PRDM16: variants seen among roughly 807,000 people sequenced by gnomAD.
The protein encoded by PRDM16 is PR/SET domain 16.
PRDM16 carries 23 observed loss-of-function variants against 110.6 expected under a neutral mutation model. The ratio of observed to expected loss-of-function variants is 0.21; its 90% CI spans 0.15 to 0.29. The LOEUF (loss-of-function observed/expected upper bound fraction) is 0.29. Ranked by LOEUF, PRDM16 falls within the 10% of genes least tolerant of loss-of-function variation. PRDM16 has a pLI of 1.00. For missense variants in PRDM16, 1,615 were observed against 1,794.3 expected (o/e 0.90, Z 1.81); for synonymous variants, 799 against 781.8 (o/e 1.02, Z -0.37).
At chr1:3,203,456 G>T (rs145939419) in intron 2 of PRDM16, among the ~76,000 whole-genome samples, 2,010 of 152,332 alleles carry the variant, frequency 0.013, 22 homozygotes, top group Middle Eastern at 0.071. Context: ...GGGCGCTGCC[G>T]CAAGGTGCCA....
chr1:3,107,869 T>C (rs969569857), intron 1 of PRDM16, among the ~76,000 whole-genome samples: 5 of 152,260 alleles, frequency 3.3e-5, no homozygotes, highest in African/African-American at 1.2e-4. Context: ...TCAATGACCA[T>C]GCCATGTGTC....
intron 3 of PRDM16, chr1:3,308,431 C>T: frequency 6.6e-6 from 1 of 152,388 alleles, no homozygotes. Flanking sequence ...GCAGCACCCA[C>T]AGTCCAGGCC....
intron 2 of PRDM16, among the ~76,000 whole-genome samples, chr1:3,218,829 C>T (rs538007400): frequency 6.6e-5 from 10 of 152,326 alleles, no homozygotes; most frequent in Admixed American, 6.5e-5. Flanking sequence ...GTGGACAACC[C>T]GAACCACGCT....
rs1363454950 is a variant in PRDM16 at position 3,148,608 on chromosome 1, C to G, written c.38-37517C>G. On this transcript the variant is annotated intron_variant, in intron 1 of 16. Transcript: ENST00000270722. The surrounding 1 kb of genome is among the most constrained non-coding windows in gnomAD (Gnocchi z 5.0). ...ACTCCTTGCTGGGACCTCCTTGACG[C>G]TCACGGGGCTCAGATCCCATCTCAG... Among the ~76,000 whole-genome samples, 1 of 152,208 alleles carries G rather than the reference C, an allele frequency of 6.6e-6. No individual in the cohort carries two copies. The highest frequency in any genetic ancestry group is 1.5e-5 in the Non-Finnish European group (1 of 68,040).
Position 3,431,966 on chromosome 1 carries a change from G to A in PRDM16, c.3522G>A (p.Arg1174=), listed in dbSNP as rs765442757. ...SLAVGFDHTR[R]CAEDHEGGLL... ...TCCCTCTCCCCGGTCATTGGTGCAG[G>A]TGTGCTGAGGACCACGAAGGCGGTC... is the stretch of plus-strand genomic sequence containing the variant. Residue 1174 remains arginine, a splice_region_variant and synonymous_variant, in exon 16 of 17, where the codon AGG becomes AGA. Coordinates refer to ENST00000270722, the MANE Select transcript of PRDM16 (RefSeq NM_022114.4). The A allele has an allele frequency of 1.8e-5, 29 of 1,612,576 alleles. No homozygotes were observed. Among genetic ancestry groups the A allele is most frequent in the Admixed American group, 1.0e-4 (6 of 59,968 alleles).
intron 3 of PRDM16, among the ~76,000 whole-genome samples, chr1:3,379,029 A>G (rs1198532578): frequency 2.0e-5 from 3 of 151,658 alleles, no homozygotes; most frequent in East Asian, 3.9e-4. Flanking sequence ...GATAGCAGAC[A>G]CAGGCCTGGC....
intron 1 of PRDM16, among the ~76,000 whole-genome samples, chr1:3,159,924 A>T (rs1208815054): frequency 6.6e-6 from 1 of 152,264 alleles, no homozygotes; most frequent in African/African-American, 2.4e-5. Context: ...AAATACTTTT[A>T]TAGTATAAGC....
Position 3,339,969 on chromosome 1 carries a change from G to A in PRDM16, c.439-45183G>A, listed in dbSNP as rs1383175721. On this transcript the variant is annotated intron_variant, in intron 3 of 16. Transcript: ENST00000270722. The surrounding 1 kb of genome is among the most constrained non-coding windows in gnomAD (Gnocchi z 5.0). ...GGAACAGGTGTGCCATCCCCCGAGC[G>A]TGCCTCCTCCTCTCCCTGGGACCCG... Among the ~76,000 whole-genome samples the A allele has an allele frequency of 2.0e-5, 3 of 152,272 alleles. No individual in the cohort carries two copies. The highest frequency in any genetic ancestry group is 1.9e-4 in the East Asian group (1 of 5,160).
chr1:3,428,919 C>A (rs778428784), intron 14 of PRDM16, among the ~76,000 whole-genome samples: 1 of 152,248 alleles, frequency 6.6e-6, no homozygotes, highest in Middle Eastern at 3.2e-3. Context: ...GAGAAAATCA[C>A]GCAGGGGAGA....
intron 1 of PRDM16, among the ~76,000 whole-genome samples, chr1:3,101,033 G>A (rs907175857): frequency 2.0e-5 from 3 of 152,154 alleles, no homozygotes; most frequent in Admixed American, 6.5e-5. Flanking sequence ...TCCCTAATGG[G>A]GGATGCCCTC....
intron 6 of PRDM16, 134 bp from the exon 7 acceptor site, chr1:3,404,605 A>C: frequency 9.2e-7 from 1 of 1,084,932 alleles, no homozygotes; most frequent in Non-Finnish European, 1.3e-6. Context: ...GGGAGACACC[A>C]GCATGTGCTC....
At chr1:3,115,142 C>T (rs1048149366) in intron 1 of PRDM16, among the ~76,000 whole-genome samples, 5 of 152,234 alleles carry the variant, frequency 3.3e-5, no homozygotes, top group Admixed American at 2.0e-4. Flanking sequence ...TCACATTCCT[C>T]GGTGAGTGGT....
chr1:3,379,683 C>A (rs1361250672), intron 3 of PRDM16, among the ~76,000 whole-genome samples: 1 of 6,282 alleles, frequency 1.6e-4, no homozygotes, highest in Admixed American at 1.4e-3. Flanking sequence ...TCCCAGCACA[C>A]CCATCCCAAC....
chr1:3,299,787 T>C (rs1365237371), intron 3 of PRDM16, among the ~76,000 whole-genome samples: 25 of 72,544 alleles, frequency 3.4e-4, no homozygotes, highest in South Asian at 3.0e-3. Flanking sequence ...ATGCTGTGGC[T>C]GTGATGTTTC....
At chr1:3,275,075 G>A (rs1429274020) in intron 3 of PRDM16, among the ~76,000 whole-genome samples, 2 of 152,224 alleles carry the variant, frequency 1.3e-5, no homozygotes, top group Admixed American at 6.5e-5. Context: ...TCCCAGGTGC[G>A]CCTGGCAGAG....
chr1:3,241,407 G>T (rs550507898), intron 2 of PRDM16, among the ~76,000 whole-genome samples: 42 of 152,372 alleles, frequency 2.8e-4, no homozygotes, highest in Non-Finnish European at 4.6e-4. Context: ...CGTGCCCAGA[G>T]GATCCAGAGA....
chr1:3,387,714 G>A (rs1009878741), intron 4 of PRDM16, among the ~76,000 whole-genome samples: 3 of 152,232 alleles, frequency 2.0e-5, no homozygotes, highest in Admixed American at 2.0e-4. Flanking sequence ...GGGGAGTGAG[G>A]TGGCTGAGTT....
chr1:3,437,466 G>A lies in PRDM16; in HGVS notation c.*3655G>A, dbSNP rs1638941721. On this transcript the variant is annotated 3_prime_UTR_variant, in exon 17 of 17. Coordinates refer to ENST00000270722, the MANE Select transcript of PRDM16 (RefSeq NM_022114.4). ...TGAAACCTACTGAGCTATATTCACT[G>A]TGCTGTCCTAGGGGGAGGGAGAGCA... 1 of 230,292 alleles carries A rather than the reference G, an allele frequency of 4.3e-6. No homozygotes were observed. The highest frequency in any genetic ancestry group is 8.6e-6 in the Non-Finnish European group (1 of 116,152). The allele number at this position is 230,292 out of a possible 1,614,324, so 14.3% of individuals were successfully genotyped here.
intron 3 of PRDM16, among the ~76,000 whole-genome samples, chr1:3,248,525 G>T (rs1473943108): frequency 1.3e-5 from 2 of 152,138 alleles, no homozygotes; most frequent in African/African-American, 4.8e-5. Flanking sequence ...CAGAAGCTTC[G>T]GAAAAAACGC....
Sources: allele counts gnomAD v4.1 joint callset (sites outside exome capture counted in the v4.1 genomes callset), GRCh38; gene constraint gnomAD v4.1.1; non-coding constraint Gnocchi (gnomAD v3.1); transcripts MANE v1.5; gene names NCBI Gene and HGNC (gene_info 2026-07-23, HGNC 2026-07-21).